SIPA1L1: variants seen among roughly 807,000 people sequenced by gnomAD.
SIPA1L1 encodes signal induced proliferation associated 1 like 1.
Under a neutral mutation model 162.7 loss-of-function variants are expected in SIPA1L1, and 26 were observed. That is an observed-to-expected ratio of 0.16 (90% CI 0.12 to 0.22). SIPA1L1 has a LOEUF of 0.22. SIPA1L1 is among the 10% of genes least tolerant of loss of function. SIPA1L1 has a pLI of 1.00. For missense variants in SIPA1L1, 1,874 were observed against 2,241.0 expected, an observed-to-expected ratio of 0.84 and a Z score of 3.31; for synonymous variants, 829 against 837.4, an observed-to-expected ratio of 0.99 and a Z score of 0.17.
At chr14:71,504,659 T>C (rs2050512835) in intron 2 of SIPA1L1, among the ~76,000 whole-genome samples, 1 of 152,238 alleles carries the variant, frequency 6.6e-6, no homozygotes, top group African/African-American at 2.4e-5. Context: ...TGCAGCCTTC[T>C]AAACTATGGC....
chr14:71,627,104 C>T (rs1020163278), intron 7 of SIPA1L1, among the ~76,000 whole-genome samples: 26 of 141,536 alleles, frequency 1.8e-4, no homozygotes, highest in African/African-American at 6.9e-4. Context: ...CATTCTCCAT[C>T]CTGATGCCTT....
At chr14:71,628,159 T>C (rs1290779391) in intron 7 of SIPA1L1, among the ~76,000 whole-genome samples, 3 of 152,220 alleles carry the variant, frequency 2.0e-5, no homozygotes, top group Non-Finnish European at 4.4e-5. Context: ...CTGTGAAGTA[T>C]TAGGAATTTT....
rs552415921 is a variant in SIPA1L1 at position 71,740,108 on chromosome 14, C to T, written c.*947C>T. 1 of 152,070 alleles carries T rather than the reference C, an allele frequency of 6.6e-6. No homozygotes were observed. The highest frequency in any genetic ancestry group is 1.5e-5 in the Non-Finnish European group (1 of 68,028). The allele number at this position is 152,070 out of a possible 1,614,324, so 9.4% of individuals were successfully genotyped here. On this transcript the variant is annotated 3_prime_UTR_variant, in exon 24 of 24. Transcript: ENST00000381232. Reference sequence around the variant, plus strand: ...GGTTTTTTTAGCTTGCTGAAAATGACCATATCTCTAAATTAATCTTTCTCT... The same window carrying T: ...GGTTTTTTTAGCTTGCTGAAAATGATCATATCTCTAAATTAATCTTTCTCT...
chr14:71,334,284 T>TA (rs1468628649), intron 2 of SIPA1L1, among the ~76,000 whole-genome samples: 4 of 152,218 alleles, frequency 2.6e-5, no homozygotes, highest in Non-Finnish European at 5.9e-5. Flanking sequence ...AGCTGTGTCT[T>TA]ACATTATTTC....
Position 71,685,560 on chromosome 14 carries a change from G to A in SIPA1L1, c.3303G>A (p.Lys1101=), listed in dbSNP as rs1355301772. The change falls in exon 13 of 24, where the codon AAG becomes AAA. Residue 1101 remains lysine (K), a synonymous_variant. Coordinates refer to ENST00000381232, the MANE Select transcript of SIPA1L1 (RefSeq NM_001386936.1). ...SRLNAGKGDG[K]MPPPERAANI... Reference sequence around the variant, plus strand: ...TGAATGCTGGAAAAGGAGATGGGAAGATGCCTCCTCCAGAAAGAGCCGCCA... The same window carrying A: ...TGAATGCTGGAAAAGGAGATGGGAAAATGCCTCCTCCAGAAAGAGCCGCCA... 6.2e-7 allele frequency: 1 copy of A among 1,614,190 alleles called. No homozygotes were observed. Among genetic ancestry groups the A allele is most frequent in the East Asian group, 2.2e-5 (1 of 44,886 alleles).
At chr14:71,709,721 G>T in intron 17 of SIPA1L1, 57 bp downstream of exon 17, 1 of 1,463,134 alleles carries the variant, frequency 6.8e-7, no homozygotes, top group Non-Finnish European at 9.3e-7. Flanking sequence ...CAGTTCCCTG[G>T]CCTCAGCCCA....
intron 5 of SIPA1L1, among the ~76,000 whole-genome samples, chr14:71,614,308 G>A (rs936522340): frequency 1.3e-5 from 2 of 151,804 alleles, no homozygotes; most frequent in Non-Finnish European, 2.9e-5. Flanking sequence ...AATTTAAATA[G>A]TACATTAGGA....
At chr14:71,653,962 A>G (rs560417587) in intron 8 of SIPA1L1, among the ~76,000 whole-genome samples, 3 of 152,336 alleles carry the variant, frequency 2.0e-5, no homozygotes, top group East Asian at 1.9e-4. Flanking sequence ...AATGAAGTAT[A>G]GCAAAGCCCC....
At chr14:71,703,229 C>T (rs1439221890) in intron 15 of SIPA1L1, among the ~76,000 whole-genome samples, 1 of 152,188 alleles carries the variant, frequency 6.6e-6, no homozygotes, top group Non-Finnish European at 1.5e-5. Flanking sequence ...GATTGTTAGA[C>T]TGTTGGATTT....
intron 2 of SIPA1L1, among the ~76,000 whole-genome samples, chr14:71,354,855 T>G (rs1485343733): frequency 6.6e-6 from 1 of 152,212 alleles, no homozygotes; most frequent in Non-Finnish European, 1.5e-5. Flanking sequence ...CTAAGTGCAC[T>G]ATAAATTGTT....
intron 2 of SIPA1L1, among the ~76,000 whole-genome samples, chr14:71,460,384 T>A (rs1227786487): frequency 2.0e-5 from 3 of 152,210 alleles, no homozygotes; most frequent in Non-Finnish European, 4.4e-5. Flanking sequence ...TTGATCTTAA[T>A]CACAGGGCAT....
chr14:71,448,661 A>G (rs922058692), intron 2 of SIPA1L1: 5 of 151,572 alleles, frequency 3.3e-5, no homozygotes, highest in African/African-American at 1.2e-4. Context: ...ACTCTTCATA[A>G]CAGCCTGCAT....
At chr14:71,463,169 G>A (rs538000604) in intron 2 of SIPA1L1, among the ~76,000 whole-genome samples, 12 of 152,254 alleles carry the variant, frequency 7.9e-5, no homozygotes, top group African/African-American at 2.9e-4. Context: ...TAGGCATGCG[G>A]TATTGTTTTT....
At position 71,670,977 on chromosome 14, in the gene SIPA1L1, G is replaced by T. The variant is rs1025251820; in HGVS notation, c.2256-142G>T. On this transcript the variant is annotated intron_variant, in intron 10 of 23. Coordinates refer to ENST00000381232, the MANE Select transcript of SIPA1L1 (RefSeq NM_001386936.1). ...TGAAAAAATATACTCGTATTAAGCA[G>T]AAATGTGTGTTGTTTCTCATGGAAA... 1.3e-5 allele frequency: 9 copies of T among 704,738 alleles called. No homozygotes were observed. The African/African-American group carries it at 1.6e-4, about 12-fold the overall frequency. The allele number at this position is 704,738 out of a possible 1,614,324, so 43.7% of individuals were successfully genotyped here.
chr14:71,375,978 A>G (rs1018757638), intron 2 of SIPA1L1, among the ~76,000 whole-genome samples: 1 of 152,096 alleles, frequency 6.6e-6, no homozygotes, highest in African/African-American at 2.4e-5. Context: ...AATTTTGTTA[A>G]AGATTTTTGT....
At chr14:71,444,504 C>T (rs1013610830) in intron 2 of SIPA1L1, among the ~76,000 whole-genome samples, 8 of 152,108 alleles carry the variant, frequency 5.3e-5, no homozygotes, top group African/African-American at 1.7e-4. Flanking sequence ...AATGAATATC[C>T]ACCGAATTTT....
At chr14:71,640,062 C>A (rs375312338) in intron 7 of SIPA1L1, among the ~76,000 whole-genome samples, 2 of 152,168 alleles carry the variant, frequency 1.3e-5, no homozygotes, top group East Asian at 3.9e-4. Context: ...TACCACCACA[C>A]CCGGCTAATT....
chr14:71,407,701 T>C (rs2041331), intron 2 of SIPA1L1, among the ~76,000 whole-genome samples: 92,342 of 152,054 alleles, frequency 0.61, 29,355 homozygotes, highest in Non-Finnish European at 0.7. Flanking sequence ...GACAAGGTTT[T>C]GCCATGTTGT....
At chr14:71,591,668 A>G (rs1265274816) in intron 5 of SIPA1L1, among the ~76,000 whole-genome samples, 1 of 152,230 alleles carries the variant, frequency 6.6e-6, no homozygotes, top group Non-Finnish European at 1.5e-5. Context: ...ATTAACACAT[A>G]TAAGAATATG....
Sources: allele counts gnomAD v4.1 joint callset (sites outside exome capture counted in the v4.1 genomes callset), GRCh38; gene constraint gnomAD v4.1.1; transcripts MANE v1.5; gene names NCBI Gene and HGNC (gene_info 2026-07-23, HGNC 2026-07-21).